The following USP6NL variants were observed in gnomAD, a reference collection of about 807,000 sequenced individuals.
USP6NL encodes USP6 N-terminal-like protein.
In USP6NL, 26 loss-of-function variants were observed where a neutral mutation model predicts 61.9. The observed-to-expected ratio is 0.42, with a 90% CI of 0.31 to 0.58. The LOEUF is 0.58. Ranked by LOEUF, USP6NL falls within the 20% of genes least tolerant of loss-of-function variation. The probability of loss-of-function intolerance (pLI) is 0.16; values close to 1 mark genes in which losing one functional copy is unlikely to be tolerated. For missense variants in USP6NL, 1,114 were observed against 1,034.3 expected (o/e 1.08, Z -1.06); for synonymous variants, 432 against 390.1 (o/e 1.11, Z -1.27).
rs111874488 is a variant in USP6NL at position 11,597,533 on chromosome 10, A to G, written c.4+98T>C. 6 of 1,286,918 alleles carry G rather than the reference A, an allele frequency of 4.7e-6. No homozygotes were observed. In the African/African-American group the frequency reaches 5.9e-5, roughly 13 times the overall value. 79.7% of individuals were successfully genotyped at this position (1,286,918 alleles called of 1,614,324 possible). On this transcript the variant is annotated intron_variant, in intron 2 of 14. Transcript: ENST00000609104. This position sits in a 1 kb window ranked among gnomAD's most constrained non-coding sequence, Gnocchi z 4.6. ...CACATTCAAACTCTGAATAAGTGAC[A>G]TAATTCCAATTTATTCAGTAACATG...
At chr10:11,488,258 A>T (rs908418574) in intron 10 of USP6NL, among the ~76,000 whole-genome samples, 2 of 152,094 alleles carry the variant, frequency 1.3e-5, no homozygotes, top group African/African-American at 2.4e-5. Flanking sequence ...CAAAAAATTT[A>T]AAAAATTAGC....
chr10:11,485,808 T>C lies in USP6NL; in HGVS notation c.759+9A>G, dbSNP rs1833440371. The C allele has an allele frequency of 6.5e-7, 1 of 1,540,456 alleles. No homozygotes were observed. Among genetic ancestry groups the C allele is most frequent in the Non-Finnish European group, 8.8e-7 (1 of 1,141,448 alleles). On this transcript the variant is annotated intron_variant, in intron 11 of 14. Transcript: ENST00000609104. This position sits in a 1 kb window ranked among gnomAD's most constrained non-coding sequence, Gnocchi z 4.8. The stretch of plus-strand genomic sequence containing the variant: ...TAGGTGGGTGTAAGTCAGTGGCACA[T>C]CTACCTACCAAGTGTTGCTTAAGCT...
intron 1 of USP6NL, among the ~76,000 whole-genome samples, chr10:11,599,728 C>CTT (rs1167014471): frequency 3.0e-4 from 41 of 135,698 alleles, no homozygotes; most frequent in Non-Finnish European, 4.3e-4. Context: ...CTCCAACCTA[C>CTT]TTTTTTTTTT....
Position 11,495,896 on chromosome 10 carries a change from C to T in USP6NL, c.385-2668G>A, listed in dbSNP as rs1833902692. ...TGCATGCCTGGGTGAGGCTTCCTGA[C>T]TGTGATCCTGCTCGTGGAGGCATGT... On this transcript the variant is annotated intron_variant, in intron 7 of 14. Coordinates refer to ENST00000609104, the MANE Select transcript of USP6NL (RefSeq NM_014688.5). The surrounding 1 kb of genome is among the most constrained non-coding windows in gnomAD (Gnocchi z 4.6). Among the ~76,000 whole-genome samples, 1 of 152,220 alleles carries T rather than the reference C, an allele frequency of 6.6e-6. No individual in the cohort carries two copies. The highest frequency in any genetic ancestry group is 1.5e-5 in the Non-Finnish European group (1 of 68,044).
intron 13 of USP6NL, among the ~76,000 whole-genome samples, chr10:11,483,117 T>A (rs1005992838): frequency 1.3e-5 from 2 of 152,154 alleles, no homozygotes; most frequent in African/African-American, 4.8e-5. Flanking sequence ...TGAACCAGCA[T>A]CTCCTCCCAT....
intron 6 of USP6NL, among the ~76,000 whole-genome samples, chr10:11,503,154 T>C (rs933202279): frequency 6.6e-6 from 1 of 152,194 alleles, no homozygotes; most frequent in African/African-American, 2.4e-5. Flanking sequence ...GGCAACTGAT[T>C]TGAATAACAG....
rs1480857251 is a variant in USP6NL at position 11,600,811 on chromosome 10, T to C, written c.-83-3094A>G. On this transcript the variant is annotated intron_variant, in intron 1 of 14. Transcript: ENST00000609104. This position sits in a 1 kb window ranked among gnomAD's most constrained non-coding sequence, Gnocchi z 4.1. The stretch of plus-strand genomic sequence containing the variant: ...GGTGAAACCCTGTCTCTACTAAAAA[T>C]ATAAAAATTAGCTGGGCGTGGTGGC... Among the ~76,000 whole-genome samples, 1 of 151,904 alleles carries C rather than the reference T, an allele frequency of 6.6e-6. No individual in the cohort carries two copies. Among genetic ancestry groups the C allele is most frequent in the Non-Finnish European group, 1.5e-5 (1 of 67,958 alleles).
intron 6 of USP6NL, among the ~76,000 whole-genome samples, chr10:11,504,853 G>A (rs1834367876): frequency 6.6e-6 from 1 of 152,208 alleles, no homozygotes; most frequent in African/African-American, 2.4e-5. Context: ...TGCCCTGACA[G>A]GGGAGGTGCT....
intron 2 of USP6NL, among the ~76,000 whole-genome samples, chr10:11,583,073 A>G (rs1837839591): frequency 6.6e-6 from 1 of 151,868 alleles, no homozygotes; most frequent in Non-Finnish European, 1.5e-5. Flanking sequence ...TCTTGCAAAT[A>G]AAGGATGACA....
At chr10:11,558,405 C>T (rs917299202) in intron 2 of USP6NL, among the ~76,000 whole-genome samples, 1 of 152,176 alleles carries the variant, frequency 6.6e-6, no homozygotes, top group African/African-American at 2.4e-5. Context: ...GTGAATACAT[C>T]CATTCCCAAA....
intron 13 of USP6NL, among the ~76,000 whole-genome samples, chr10:11,484,023 A>G (rs1207040112): frequency 6.6e-6 from 1 of 152,214 alleles, no homozygotes; most frequent in Non-Finnish European, 1.5e-5. Flanking sequence ...TACTTAGAAC[A>G]ATGCCAAGCA....
In USP6NL at chr10:11,499,259, T is replaced by C. The variant is rs780598304; in HGVS notation, c.384+1842A>G. On this transcript the variant is annotated intron_variant, in intron 7 of 14. Coordinates refer to ENST00000609104, the MANE Select transcript of USP6NL (RefSeq NM_014688.5). The surrounding 1 kb of genome is among the most constrained non-coding windows in gnomAD (Gnocchi z 4.5). The stretch of plus-strand genomic sequence containing the variant: ...GGGGAAACTCAAATAGTAAAAATAA[T>C]ATTGATGACAGTGTTGAAAATCATA... 7.9e-5 allele frequency among the ~76,000 whole-genome samples: 12 copies of C among 152,118 alleles called. No individual in the cohort carries two copies. The highest frequency in any genetic ancestry group is 1.3e-4 in the Non-Finnish European group (9 of 68,022).
Position 11,478,026 on chromosome 10 carries a change from T to C in USP6NL, c.1078+3744A>G, listed in dbSNP as rs1183868621. On this transcript the variant is annotated intron_variant, in intron 14 of 14. Transcript: ENST00000609104. This position sits in a 1 kb window ranked among gnomAD's most constrained non-coding sequence, Gnocchi z 6.8. ...TGAAGATAAGATTTTGTATCTTAAA[T>C]CTTAGAAAACCTAAGATAACTGATC... Among the ~76,000 whole-genome samples the C allele has an allele frequency of 1.3e-5, 2 of 152,242 alleles. No individual in the cohort carries two copies. The highest frequency in any genetic ancestry group is 4.1e-4 in the South Asian group (2 of 4,832).
intron 2 of USP6NL, among the ~76,000 whole-genome samples, chr10:11,569,641 G>A (rs1284996811): frequency 3.9e-5 from 6 of 152,186 alleles, no homozygotes. Flanking sequence ...TGCTGGAGAA[G>A]GAGGGAAAAA....
Position 11,495,977 on chromosome 10 carries a change from T to C in USP6NL, c.385-2749A>G, listed in dbSNP as rs940151052. Reference sequence around the variant, plus strand: ...GTCAGTACCTTTGGGTTTATTTTCTTATGCTGATCACATCCCCCACAGAAC... The same window carrying C: ...GTCAGTACCTTTGGGTTTATTTTCTCATGCTGATCACATCCCCCACAGAAC... On this transcript the variant is annotated intron_variant, in intron 7 of 14. Coordinates refer to ENST00000609104, the MANE Select transcript of USP6NL (RefSeq NM_014688.5). This position sits in a 1 kb window ranked among gnomAD's most constrained non-coding sequence, Gnocchi z 4.6. Among the ~76,000 whole-genome samples, 6 of 152,126 alleles carry C rather than the reference T, an allele frequency of 3.9e-5. No individual in the cohort carries two copies. Among genetic ancestry groups the C allele is most frequent in the Non-Finnish European group, 7.3e-5 (5 of 68,028 alleles).
In USP6NL at chr10:11,474,081, C is replaced by T. The variant is rs1386370723; in HGVS notation, c.1078+7689G>A. On this transcript the variant is annotated intron_variant, in intron 14 of 14. Coordinates refer to ENST00000609104, the MANE Select transcript of USP6NL (RefSeq NM_014688.5). The surrounding 1 kb of genome is among the most constrained non-coding windows in gnomAD (Gnocchi z 4.9). The stretch of plus-strand genomic sequence containing the variant: ...TGCTTCAGCTGACTGAGAAAGTACA[C>T]CCCAAGTTTACCTGGGAAAAAAGTC... 6.6e-6 allele frequency among the ~76,000 whole-genome samples: 1 copy of T among 152,136 alleles called. No individual in the cohort carries two copies. Among genetic ancestry groups the T allele is most frequent in the Non-Finnish European group, 1.5e-5 (1 of 68,028 alleles).
chr10:11,579,969 G>T lies in USP6NL; in HGVS notation c.4+17662C>A, dbSNP rs547209185. Reference sequence around the variant, plus strand: ...AACCACCAGTGGAGAGTGGCGGGGGGGGGGCAGCAACGTCTAAAGACACTT... The same window carrying T: ...AACCACCAGTGGAGAGTGGCGGGGGTGGGGCAGCAACGTCTAAAGACACTT... On this transcript the variant is annotated intron_variant, in intron 2 of 14. Coordinates refer to ENST00000609104, the MANE Select transcript of USP6NL (RefSeq NM_014688.5). 4.8e-5 allele frequency among the ~76,000 whole-genome samples: 7 copies of T among 146,678 alleles called. 1 individual carries two copies. Among genetic ancestry groups the T allele is most frequent in the African/African-American group, 7.4e-5 (3 of 40,674 alleles).
intron 2 of USP6NL, among the ~76,000 whole-genome samples, chr10:11,542,854 G>A (rs190342009): frequency 4.6e-5 from 7 of 152,242 alleles, no homozygotes; most frequent in Admixed American, 2.0e-4. Context: ...CAGCTGCGTC[G>A]ACAGTAACGT....
intron 14 of USP6NL, among the ~76,000 whole-genome samples, chr10:11,479,503 G>A (rs951229519): frequency 2.0e-5 from 3 of 151,894 alleles, no homozygotes; most frequent in Non-Finnish European, 2.9e-5. Flanking sequence ...CACATGACTC[G>A]GGGGAGTTCA....
Sources: gnomAD v4.1 joint callset for allele counts (sites outside exome capture counted in the v4.1 genomes callset) on GRCh38, gnomAD v4.1.1 for gene constraint, Gnocchi (gnomAD v3.1) non-coding constraint, MANE v1.5 for transcripts, NCBI Gene and HGNC (gene_info 2026-07-23, HGNC 2026-07-21) for gene names.